Variants in ROR1 observed in about 807,000 individuals in gnomAD.
ROR1 encodes the protein inactive tyrosine-protein kinase transmembrane receptor ROR1.
ROR1 carries 19 observed loss-of-function variants against 78.8 expected under a neutral mutation model. The ratio of observed to expected loss-of-function variants is 0.24; its 90% CI spans 0.17 to 0.35. The LOEUF is 0.35. Ranked by LOEUF, ROR1 falls within the 10% of genes least tolerant of loss-of-function variation. The pLI is 1.00. For synonymous variants in ROR1, 386 were observed against 433.6 expected (o/e 0.89, Z 1.36); for missense variants, 917 against 1,177.8 (o/e 0.78, Z 3.24).
At chr1:64,001,691 C>A (rs905768190) in intron 1 of ROR1, among the ~76,000 whole-genome samples, 1 of 152,076 alleles carries the variant, frequency 6.6e-6, no homozygotes, top group Non-Finnish European at 1.5e-5. Context: ...AGAAGTATTT[C>A]CAGCACCTTC....
At chr1:63,802,820 C>A (rs626235) in intron 1 of ROR1, among the ~76,000 whole-genome samples, 1 of 152,008 alleles carries the variant, frequency 6.6e-6, no homozygotes, top group African/African-American at 2.4e-5. Flanking sequence ...TCCTCTGGAC[C>A]AGCACTGTCC....
At chr1:63,871,656 C>T (rs1645252008) in intron 1 of ROR1, among the ~76,000 whole-genome samples, 1 of 152,188 alleles carries the variant, frequency 6.6e-6, no homozygotes, top group Non-Finnish European at 1.5e-5. Context: ...AGACATTTGC[C>T]TTGACAGTGC....
chr1:64,018,307 C>A (rs1557611440), intron 2 of ROR1, among the ~76,000 whole-genome samples: 1 of 152,164 alleles, frequency 6.6e-6, no homozygotes, highest in Non-Finnish European at 1.5e-5. Flanking sequence ...TTCTCCTTCT[C>A]CACCTTTGCT....
chr1:63,782,648 C>T (rs1644659560), intron 1 of ROR1, among the ~76,000 whole-genome samples: 1 of 150,970 alleles, frequency 6.6e-6, no homozygotes, highest in Non-Finnish European at 1.5e-5. Flanking sequence ...GGGTTAGGAC[C>T]AGCATTTTTA....
intron 1 of ROR1, among the ~76,000 whole-genome samples, chr1:63,790,695 T>G (rs1015526136): frequency 2.6e-4 from 39 of 152,300 alleles, no homozygotes; most frequent in African/African-American, 8.7e-4. Flanking sequence ...ATAGAGGTGG[T>G]GAATGCTGGC....
chr1:64,053,600 T>C (rs1457249271), intron 4 of ROR1, among the ~76,000 whole-genome samples: 1 of 152,216 alleles, frequency 6.6e-6, no homozygotes, highest in Non-Finnish European at 1.5e-5. Flanking sequence ...TAAATCAAGC[T>C]AGCAACATTG....
intron 4 of ROR1, among the ~76,000 whole-genome samples, chr1:64,068,795 C>T (rs1646978389): frequency 6.6e-6 from 1 of 152,064 alleles, no homozygotes; most frequent in African/African-American, 2.4e-5. Context: ...TTATAAAGTA[C>T]TCCACAAGTT....
chr1:64,028,552 A>G (rs1161366762), intron 2 of ROR1, among the ~76,000 whole-genome samples: 1 of 152,184 alleles, frequency 6.6e-6, no homozygotes, highest in Non-Finnish European at 1.5e-5. Flanking sequence ...GTGTTTTCTC[A>G]TTCACAATTA....
chr1:63,796,872 C>A (rs1171408603), intron 1 of ROR1, among the ~76,000 whole-genome samples: 1 of 152,124 alleles, frequency 6.6e-6, no homozygotes, highest in African/African-American at 2.4e-5. Flanking sequence ...CCCAGCCCAG[C>A]TCCTCAGTAT....
At chr1:64,064,421 T>C (rs1361650185) in intron 4 of ROR1, among the ~76,000 whole-genome samples, 1 of 152,174 alleles carries the variant, frequency 6.6e-6, no homozygotes, top group Non-Finnish European at 1.5e-5. Flanking sequence ...TTTCTCCCAT[T>C]AGGGGAATGC....
intron 1 of ROR1, among the ~76,000 whole-genome samples, chr1:63,979,486 G>C (rs1646190523): frequency 6.6e-6 from 1 of 152,206 alleles, no homozygotes; most frequent in Non-Finnish European, 1.5e-5. Flanking sequence ...CATCCTGCCA[G>C]AAGCTGTGGC....
chr1:63,834,835 C>A (rs547254970), intron 1 of ROR1, among the ~76,000 whole-genome samples: 3 of 152,202 alleles, frequency 2.0e-5, no homozygotes, highest in African/African-American at 7.2e-5. Context: ...TATATAATGA[C>A]CAGAAGGAAT....
At chr1:64,123,915 G>T (rs1648628143) in intron 4 of ROR1, among the ~76,000 whole-genome samples, 1 of 151,980 alleles carries the variant, frequency 6.6e-6, no homozygotes, top group Non-Finnish European at 1.5e-5. Flanking sequence ...AGTATATAAG[G>T]ATCTATCTAC....
intron 1 of ROR1, among the ~76,000 whole-genome samples, chr1:63,791,704 C>T (rs1424853660): frequency 1.3e-5 from 2 of 152,152 alleles, no homozygotes; most frequent in Non-Finnish European, 1.5e-5. Context: ...GTTGCTCTGC[C>T]CTTTCTGGGG....
intron 1 of ROR1, among the ~76,000 whole-genome samples, chr1:63,909,594 C>T (rs981336522): frequency 4.6e-5 from 7 of 152,160 alleles, no homozygotes; most frequent in Admixed American, 3.9e-4. Context: ...AACCTCAGTC[C>T]ATCCAGTCTC....
chr1:64,117,692 C>T (rs922427251), intron 4 of ROR1, among the ~76,000 whole-genome samples: 7 of 152,176 alleles, frequency 4.6e-5, no homozygotes, highest in Admixed American at 1.3e-4. Context: ...GATGAGTAAA[C>T]TGAGACTCAC....
chr1:64,082,225 G>A (rs1349459268), intron 4 of ROR1, among the ~76,000 whole-genome samples: 2 of 152,194 alleles, frequency 1.3e-5, no homozygotes, highest in Non-Finnish European at 2.9e-5. Flanking sequence ...AAGGGAATAA[G>A]TTCGTGGCAG....
At chr1:63,991,871 C>T (rs1261484919) in intron 1 of ROR1, among the ~76,000 whole-genome samples, 1 of 152,114 alleles carries the variant, frequency 6.6e-6, no homozygotes, top group Non-Finnish European at 1.5e-5. Context: ...ATGCAATGAC[C>T]CTTCTCTCTT....
At chr1:64,138,664 G>A (rs1371548449) in intron 5 of ROR1, among the ~76,000 whole-genome samples, 1 of 151,540 alleles carries the variant, frequency 6.6e-6, no homozygotes, top group African/African-American at 2.4e-5. Flanking sequence ...TCCTGCATCA[G>A]CCTCCTGGAG....
Sources: allele counts gnomAD v4.1 joint callset (sites outside exome capture counted in the v4.1 genomes callset), GRCh38; gene constraint gnomAD v4.1.1; transcripts MANE v1.5; gene names NCBI Gene and HGNC (gene_info 2026-07-23, HGNC 2026-07-21).